MAPK4: variants seen among roughly 807,000 people sequenced by gnomAD.
MAPK4 encodes the protein mitogen-activated protein kinase 4, also known as Erk3-related.
MAPK4 carries 22 observed loss-of-function variants against 47.7 expected under a neutral mutation model. The observed-to-expected ratio is 0.46, with a 90% confidence interval of 0.33 to 0.66. The LOEUF (loss-of-function observed/expected upper bound fraction) is 0.66, where lower values mean the gene tolerates loss of function less well. Ranked by LOEUF, MAPK4 falls within the 30% of genes least tolerant of loss-of-function variation. The pLI is 0.02. For missense variants in MAPK4, 736 were observed against 831.7 expected, an observed-to-expected ratio of 0.88 and a Z score of 1.42; for synonymous variants, 390 against 365.7, an observed-to-expected ratio of 1.07 and a Z score of -0.76.
chr18:50,581,850 A>G (rs893323), intron 1 of MAPK4, among the ~76,000 whole-genome samples: 151,774 of 152,344 alleles, frequency 1, 75,606 homozygotes, highest in East Asian at 1. Flanking sequence ...GTAAATTTTT[A>G]CTGTCACAGA....
At chr18:50,686,541 G>A (rs534132302) in intron 2 of MAPK4, among the ~76,000 whole-genome samples, 1 of 152,284 alleles carries the variant, frequency 6.6e-6, no homozygotes, top group Admixed American at 6.5e-5. Context: ...AAACCAAACC[G>A]ACACAACTTC....
At chr18:50,715,712 C>T (rs78996556) in intron 3 of MAPK4, among the ~76,000 whole-genome samples, 2,311 of 152,282 alleles carry the variant, frequency 0.015, 19 homozygotes, top group Non-Finnish European at 0.021. Context: ...CTGCCAGCTC[C>T]TTAATATTGG....
chr18:50,657,300 G>T (rs1189139491), intron 1 of MAPK4, among the ~76,000 whole-genome samples: 1 of 152,172 alleles, frequency 6.6e-6, no homozygotes, highest in Non-Finnish European at 1.5e-5. Context: ...GATGGGTTTG[G>T]GAGATGACAT....
chr18:50,630,398 AG>A (rs1243473434), intron 1 of MAPK4, among the ~76,000 whole-genome samples: 9 of 152,282 alleles, frequency 5.9e-5, no homozygotes, highest in Admixed American at 2.6e-4. Flanking sequence ...CATATTGGCC[AG>A]GGTGGTCTCA....
intron 2 of MAPK4, among the ~76,000 whole-genome samples, chr18:50,703,613 T>C (rs113185210): frequency 1.1e-3 from 166 of 152,286 alleles, no homozygotes; most frequent in African/African-American, 3.7e-3. Context: ...ATCGAGTTGA[T>C]ATGTTGACAG....
chr18:50,662,865 C>G (rs1290891412), intron 1 of MAPK4, among the ~76,000 whole-genome samples: 2 of 152,358 alleles, frequency 1.3e-5, no homozygotes, highest in Admixed American at 1.3e-4. Flanking sequence ...GGCACAGCAT[C>G]TGATGGTCTT....
chr18:50,630,668 C>T (rs2042821058), intron 1 of MAPK4, among the ~76,000 whole-genome samples: 1 of 152,232 alleles, frequency 6.6e-6, no homozygotes, highest in African/African-American at 2.4e-5. Flanking sequence ...TCTGATCCTG[C>T]ACCTGGCAGG....
At chr18:50,724,036 A>C (rs1282437378) in intron 4 of MAPK4, among the ~76,000 whole-genome samples, 1 of 152,024 alleles carries the variant, frequency 6.6e-6, no homozygotes, top group East Asian at 1.9e-4. Context: ...CTTTTGCGAC[A>C]GGGTCTCACT....
intron 1 of MAPK4, among the ~76,000 whole-genome samples, chr18:50,601,277 T>C (rs1227221862): frequency 1.5e-5 from 2 of 133,712 alleles, no homozygotes; most frequent in Non-Finnish European, 3.0e-5. Flanking sequence ...GAGGTTGCAG[T>C]GAGCCAAGAT....
chr18:50,639,282 C>A (rs956407445), intron 1 of MAPK4, among the ~76,000 whole-genome samples: 2 of 152,166 alleles, frequency 1.3e-5, no homozygotes, highest in African/African-American at 4.8e-5. Context: ...TAAGCCTGAG[C>A]CAAATTAGTT....
chr18:50,693,586 G>A (rs529363018), intron 2 of MAPK4, among the ~76,000 whole-genome samples: 17 of 152,242 alleles, frequency 1.1e-4, no homozygotes, highest in African/African-American at 3.4e-4. Context: ...ACTGATGTTC[G>A]AATCTTGACC....
chr18:50,666,534 C>T (rs970717008), intron 2 of MAPK4, among the ~76,000 whole-genome samples: 1 of 152,194 alleles, frequency 6.6e-6, no homozygotes, highest in South Asian at 2.1e-4. Context: ...AAGGCTCACA[C>T]GATCCCCCAG....
intron 2 of MAPK4, among the ~76,000 whole-genome samples, chr18:50,682,568 T>C (rs1167882417): frequency 6.6e-6 from 1 of 152,176 alleles, no homozygotes; most frequent in Admixed American, 6.5e-5. Context: ...AAGCCAACAA[T>C]ATATAAAAAG....
chr18:50,648,874 C>A (rs2043017866), intron 1 of MAPK4, among the ~76,000 whole-genome samples: 1 of 152,178 alleles, frequency 6.6e-6, no homozygotes, highest in African/African-American at 2.4e-5. Flanking sequence ...GCCTTACTCC[C>A]AGCCACCATT....
intron 1 of MAPK4, among the ~76,000 whole-genome samples, chr18:50,638,574 A>C (rs17662557): frequency 0.15 from 23,434 of 152,284 alleles, 1,947 homozygotes; most frequent in Middle Eastern, 0.22. Context: ...ACAGTAGGTT[A>C]GAGGTGAACG....
chr18:50,602,459 C>A (rs182014352), intron 1 of MAPK4, among the ~76,000 whole-genome samples: 1 of 152,174 alleles, frequency 6.6e-6, no homozygotes, highest in Non-Finnish European at 1.5e-5. Flanking sequence ...AGCCCTGCCC[C>A]CTGAGCCTAG....
chr18:50,727,174 A>C (rs1216758555), intron 5 of MAPK4, among the ~76,000 whole-genome samples: 1 of 152,230 alleles, frequency 6.6e-6, no homozygotes, highest in African/African-American at 2.4e-5. Context: ...TGACGTTCTT[A>C]GATCAGGCAG....
At chr18:50,582,418 T>G (rs1299862717) in intron 1 of MAPK4, among the ~76,000 whole-genome samples, 10 of 152,240 alleles carry the variant, frequency 6.6e-5, no homozygotes, top group Non-Finnish European at 1.5e-5. Flanking sequence ...GATGTTAGAA[T>G]GGCTCAGCCT....
In MAPK4 at chr18:50,729,893, C is replaced by T. The variant is rs369768996; in HGVS notation, c.*39C>T. The T allele has an allele frequency of 3.0e-4, 450 of 1,499,324 alleles. 6 individuals carry two copies. In the South Asian group the frequency reaches 4.2e-3, roughly 14 times the overall value. 92.9% of individuals were successfully genotyped at this position (1,499,324 alleles called of 1,614,324 possible). On this transcript the variant is annotated 3_prime_UTR_variant, in exon 6 of 6. Transcript: ENST00000400384. ...GCTCCAGGCCCCACAGAGCAGGAGACCCCCAGAGAAAGCCGGGGCTGGCAG... is the reference window on the plus strand; with the variant it reads ...GCTCCAGGCCCCACAGAGCAGGAGATCCCCAGAGAAAGCCGGGGCTGGCAG...
Sources: gnomAD v4.1 joint callset for allele counts (sites outside exome capture counted in the v4.1 genomes callset) on GRCh38, gnomAD v4.1.1 for gene constraint, MANE v1.5 for transcripts, NCBI Gene and HGNC (gene_info 2026-07-23, HGNC 2026-07-21) for gene names.